Variants in GLP2R observed in about 807,000 individuals in gnomAD.
GLP2R encodes glucagon-like peptide 2 receptor.
GLP2R carries 59 observed loss-of-function variants against 68.2 expected under a neutral mutation model. That is an observed-to-expected ratio of 0.87 (90% CI 0.70 to 1.07). The LOEUF (loss-of-function observed/expected upper bound fraction) is 1.07. Ranked by LOEUF, GLP2R falls within the 50% of genes least tolerant of loss-of-function variation. GLP2R has a pLI of 0.00. For synonymous variants in GLP2R, 270 were observed against 265.4 expected, an observed-to-expected ratio of 1.02 and a Z score of -0.17; for missense variants, 548 against 677.4, an observed-to-expected ratio of 0.81 and a Z score of 2.12.
intron 1 of GLP2R, among the ~76,000 whole-genome samples, chr17:9,832,523 C>T (rs1438966387): frequency 6.6e-6 from 1 of 152,044 alleles, no homozygotes; most frequent in African/African-American, 2.4e-5. Context: ...GATAACGCCA[C>T]TGCACTCCAG....
chr17:9,889,787 G>T lies in GLP2R; in HGVS notation c.*82G>T, dbSNP rs2067275824. On this transcript the variant is annotated 3_prime_UTR_variant, in exon 13 of 13. Coordinates refer to ENST00000262441, the MANE Select transcript of GLP2R (RefSeq NM_004246.3). ...GAGGAAGCAAAGCAGGACACACGTT[G>T]CTGGGCACGGAATCATTCTCGTTCC... The T allele has an allele frequency of 5.0e-5, 41 of 814,162 alleles. No homozygotes were observed. In the South Asian group the frequency reaches 7.3e-4, roughly 15 times the overall value. The allele number at this position is 814,162 out of a possible 1,614,324, so 50.4% of individuals were successfully genotyped here.
intron 9 of GLP2R, chr17:9,866,661 T>C (rs1285112105): frequency 5.9e-5 from 9 of 152,242 alleles, no homozygotes; most frequent in African/African-American, 2.2e-4. Flanking sequence ...TTAGCATTCA[T>C]TGAGCACCTT....
chr17:9,852,885 AG>A, intron 4 of GLP2R: 1 of 447,956 alleles, frequency 2.2e-6, no homozygotes, highest in Admixed American at 2.9e-5. Context: ...TACCACTTCC[AG>A]GGGCAGATTA....
chr17:9,852,933 C>T (rs886799650), intron 4 of GLP2R: 1 of 493,026 alleles, frequency 2.0e-6, no homozygotes, highest in Non-Finnish European at 3.9e-6. Flanking sequence ...CATTCTTCTC[C>T]TCTTCATCTT....
chr17:9,829,434 G>A (rs1477980505), intron 1 of GLP2R, among the ~76,000 whole-genome samples: 2 of 151,122 alleles, frequency 1.3e-5, no homozygotes, highest in Admixed American at 1.3e-4. Flanking sequence ...AAGAAATAAA[G>A]ATGTGCTCTC....
At chr17:9,874,234 ACCC>A (rs2067124307) in intron 10 of GLP2R, among the ~76,000 whole-genome samples, 1 of 152,080 alleles carries the variant, frequency 6.6e-6, no homozygotes, top group Admixed American at 6.5e-5. Context: ...TACTGGGGAG[ACCC>A]TCATGGCTGA....
At chr17:9,863,923 A>G (rs2067009459) in intron 9 of GLP2R, among the ~76,000 whole-genome samples, 1 of 152,188 alleles carries the variant, frequency 6.6e-6, no homozygotes, top group Non-Finnish European at 1.5e-5. Flanking sequence ...CTCATGGCCT[A>G]CATTCTGGAC....
intron 3 of GLP2R, among the ~76,000 whole-genome samples, chr17:9,837,739 T>C (rs2066746183): frequency 9.9e-6 from 1 of 100,682 alleles, no homozygotes; most frequent in South Asian, 3.2e-4. Flanking sequence ...AGGAGAGAGG[T>C]GATTACTGGT....
At chr17:9,882,562 G>T (rs189664853) in intron 11 of GLP2R, among the ~76,000 whole-genome samples, 1 of 149,222 alleles carries the variant, frequency 6.7e-6, no homozygotes, top group Non-Finnish European at 1.5e-5. Context: ...AACATGAGGG[G>T]GTCTGGTGGA....
intron 12 of GLP2R, 67 bp downstream of exon 12, chr17:9,888,040 A>T (rs1440938799): frequency 9.1e-7 from 1 of 1,097,358 alleles, no homozygotes; most frequent in East Asian, 2.4e-5. Context: ...CCACCTCTGG[A>T]GGTTTCTGTG....
At chr17:9,859,723 G>T (rs996926544) in intron 6 of GLP2R, among the ~76,000 whole-genome samples, 2 of 148,454 alleles carry the variant, frequency 1.3e-5, no homozygotes, top group African/African-American at 5.0e-5. Context: ...GGGGGCTGAC[G>T]CAGGAGAATC....
chr17:9,862,226 G>A (rs1426492230), intron 9 of GLP2R, 136 bp downstream of exon 9: 3 of 688,786 alleles, frequency 4.4e-6, no homozygotes, highest in Admixed American at 4.9e-5. Context: ...ATTTTCTGCT[G>A]AATGAGAAGT....
Position 9,857,523 on chromosome 17 carries a change from T to A in GLP2R, c.712T>A (p.Ser238Thr). 1 of 1,614,098 alleles carries A rather than the reference T, an allele frequency of 6.2e-7. No homozygotes were observed. The highest frequency in any genetic ancestry group is 8.5e-7 in the Non-Finnish European group (1 of 1,179,996). Residue 238 changes from serine to threonine, a missense_variant, in exon 6 of 13, where the codon TCT becomes ACT. Transcript: ENST00000262441. ...GGTGAAGGACGTCGTCTTCTACAAC[T>A]CTTACTCCAAGAGGCCTGACAATGA... ...VLVKDVVFYNSYSKRPDNENG... is the reference protein window; with the variant it reads ...VLVKDVVFYNTYSKRPDNENG...
chr17:9,869,100 T>C (rs1343787631), intron 9 of GLP2R, among the ~76,000 whole-genome samples: 1 of 152,198 alleles, frequency 6.6e-6, no homozygotes, highest in Non-Finnish European at 1.5e-5. Flanking sequence ...TACTTCTTCA[T>C]CATTTCAAAT....
chr17:9,880,333 T>C (rs2067183627), intron 10 of GLP2R, 45 bp from the exon 11 acceptor site: 5 of 1,346,236 alleles, frequency 3.7e-6, no homozygotes, highest in South Asian at 1.4e-5. Flanking sequence ...ATGTTGCTTG[T>C]TCCCCATGTG....
At chr17:9,851,658 C>T (rs2066892410) in intron 4 of GLP2R, among the ~76,000 whole-genome samples, 1 of 151,574 alleles carries the variant, frequency 6.6e-6, no homozygotes, top group African/African-American at 2.4e-5. Context: ...GAGAGTTCTG[C>T]CTCCAGACCA....
rs2067290865 is a variant in GLP2R at position 9,891,551 on chromosome 17, T to A, written c.*1846T>A. ...AATGTGAATTTTTATTTTTAGACAATTGCATTAAAATGTTATTTATATTGA... is the reference window on the plus strand; with the variant it reads ...AATGTGAATTTTTATTTTTAGACAAATGCATTAAAATGTTATTTATATTGA... On this transcript the variant is annotated 3_prime_UTR_variant, in exon 13 of 13. Coordinates refer to ENST00000262441, the MANE Select transcript of GLP2R (RefSeq NM_004246.3). 1 of 152,134 alleles carries A rather than the reference T, an allele frequency of 6.6e-6. No homozygotes were observed. The highest frequency in any genetic ancestry group is 2.4e-5 in the African/African-American group (1 of 41,440). 9.4% of individuals were successfully genotyped at this position (152,134 alleles called of 1,614,324 possible).
chr17:9,872,707 C>T (rs2067106445), intron 10 of GLP2R, among the ~76,000 whole-genome samples: 1 of 152,168 alleles, frequency 6.6e-6, no homozygotes, highest in Non-Finnish European at 1.5e-5. Flanking sequence ...GGCCACGACC[C>T]TAGACTTGCC....
Position 9,830,208 on chromosome 17 carries a change from C to A in GLP2R, c.190-3599C>A, listed in dbSNP as rs543417895. On this transcript the variant is annotated intron_variant, in intron 1 of 12. Transcript: ENST00000262441. ...TTCTGCTTTTGACTATGGCCATTGG[C>A]CATGGCAAAGAATGGAGGATAGGGG... is the stretch of plus-strand genomic sequence containing the variant. 3.7e-4 allele frequency among the ~76,000 whole-genome samples: 56 copies of A among 152,280 alleles called. No individual in the cohort carries two copies. In the East Asian group the frequency reaches 9.5e-3, roughly 26 times the overall value.
Sources: allele counts gnomAD v4.1 joint callset (sites outside exome capture counted in the v4.1 genomes callset), GRCh38; gene constraint gnomAD v4.1.1; transcripts MANE v1.5; gene names NCBI Gene and HGNC (gene_info 2026-07-23, HGNC 2026-07-21).